Variants in DENND1A observed in about 807,000 individuals in gnomAD.
DENND1A encodes the protein DENN domain containing 1A, also known as DENN domain-containing protein 1A.
Under a neutral mutation model 113.7 loss-of-function variants are expected in DENND1A, and 51 were observed. The ratio of observed to expected loss-of-function variants is 0.45; its 90% CI spans 0.36 to 0.57. The LOEUF is 0.57. DENND1A is among the 20% of genes least tolerant of loss of function. The pLI is 0.00. For synonymous variants in DENND1A, 565 were observed against 570.8 expected (o/e 0.99, Z 0.14); for missense variants, 1,258 against 1,395.9 (o/e 0.90, Z 1.57).
intron 3 of DENND1A, among the ~76,000 whole-genome samples, chr9:123,772,269 C>T (rs563231091): frequency 4.6e-5 from 7 of 152,162 alleles, no homozygotes; most frequent in East Asian, 3.9e-4. Flanking sequence ...TAAAATTATT[C>T]GAATATGAAA....
At chr9:123,639,437 TC>T (rs1564864880) in intron 9 of DENND1A, among the ~76,000 whole-genome samples, 1 of 59,666 alleles carries the variant, frequency 1.7e-5, no homozygotes, top group Non-Finnish European at 3.2e-5. Context: ...AGCCTCCGTA[TC>T]CCCCCAACCC....
intron 2 of DENND1A, among the ~76,000 whole-genome samples, chr9:123,870,086 T>C (rs1303400315): frequency 6.7e-6 from 1 of 149,106 alleles, no homozygotes; most frequent in South Asian, 2.1e-4. Flanking sequence ...AAATGCAAGA[T>C]AAAAAAAATA....
chr9:123,775,144 G>C (rs1354539588), intron 3 of DENND1A, among the ~76,000 whole-genome samples: 1 of 152,118 alleles, frequency 6.6e-6, no homozygotes, highest in Non-Finnish European at 1.5e-5. Flanking sequence ...CAAAGTGGTT[G>C]AAAATGAGAG....
At position 123,481,347 on chromosome 9, in the gene DENND1A, A is replaced by G. The variant is rs1676424907; in HGVS notation, c.994-23450T>C. Among the ~76,000 whole-genome samples, 3 of 152,370 alleles carry G rather than the reference A, an allele frequency of 2.0e-5. No individual in the cohort carries two copies. In the South Asian group the frequency reaches 6.2e-4, roughly 32 times the overall value. ...AAACCTACCAGGACAGTGAGGCTGC[A>G]TAGCAACACGTGGAAACAAGGAAGC... On this transcript the variant is annotated intron_variant, in intron 13 of 23. Coordinates refer to ENST00000394215, the MANE Select transcript of DENND1A (RefSeq NM_001352964.2).
intron 9 of DENND1A, among the ~76,000 whole-genome samples, chr9:123,631,742 C>G (rs1393263503): frequency 6.6e-6 from 1 of 152,144 alleles, no homozygotes; most frequent in South Asian, 2.1e-4. Flanking sequence ...TTTGACTTGC[C>G]CCTATTTTGT....
intron 21 of DENND1A, among the ~76,000 whole-genome samples, chr9:123,392,113 C>T (rs977325065): frequency 6.6e-6 from 1 of 152,180 alleles, no homozygotes; most frequent in Non-Finnish European, 1.5e-5. Context: ...ACAGGCGAGG[C>T]TGTTCCTTTT....
chr9:123,490,834 G>A (rs999920340), intron 13 of DENND1A, among the ~76,000 whole-genome samples: 14 of 152,090 alleles, frequency 9.2e-5, no homozygotes, highest in East Asian at 1.9e-4. Context: ...CCGCCTTTGC[G>A]GCACATCTCC....
chr9:123,406,501 G>T (rs749549661), intron 20 of DENND1A, among the ~76,000 whole-genome samples: 9 of 152,204 alleles, frequency 5.9e-5, no homozygotes, highest in Non-Finnish European at 1.5e-5. Context: ...CCCCTGCCTC[G>T]CATTCTGTGG....
intron 2 of DENND1A, among the ~76,000 whole-genome samples, chr9:123,813,405 C>CT (rs376791744): frequency 0.013 from 1,930 of 146,264 alleles, 16 homozygotes; most frequent in Non-Finnish European, 0.022. Flanking sequence ...GTGAGTAGGA[C>CT]TTTTTTTTTT....
At chr9:123,793,969 C>T (rs1397002619) in intron 2 of DENND1A, among the ~76,000 whole-genome samples, 2 of 152,176 alleles carry the variant, frequency 1.3e-5, no homozygotes, top group South Asian at 4.1e-4. Context: ...TCTTTCTTCA[C>T]CCTCGTCTTC....
intron 5 of DENND1A, among the ~76,000 whole-genome samples, chr9:123,745,963 A>C (rs2069464237): frequency 6.6e-6 from 1 of 152,246 alleles, no homozygotes; most frequent in Admixed American, 6.5e-5. Context: ...AAATTGCATA[A>C]TGCAACTCAC....
Position 123,575,941 on chromosome 9 carries a change from C to T in DENND1A, c.867+7228G>A, listed in dbSNP as rs538930170. On this transcript the variant is annotated intron_variant, in intron 12 of 23. Transcript: ENST00000394215. ...TAATAACCTCTGTAAATTGGAGTGT[C>T]TAGACAATGTATGTTTAATGTAAAA... Among the ~76,000 whole-genome samples, 6 of 152,298 alleles carry T rather than the reference C, an allele frequency of 3.9e-5. No homozygotes were observed. The South Asian group carries it at 1.2e-3, about 32-fold the overall frequency.
chr9:123,733,051 G>A (rs185741188), intron 5 of DENND1A, among the ~76,000 whole-genome samples: 59 of 149,360 alleles, frequency 4.0e-4, no homozygotes, highest in Non-Finnish European at 7.0e-4. Flanking sequence ...GCGCGATCTC[G>A]GCTCACCGCA....
At chr9:123,490,798 T>C (rs12350892) in intron 13 of DENND1A, among the ~76,000 whole-genome samples, 19,321 of 152,274 alleles carry the variant, frequency 0.13, 1,449 homozygotes, top group African/African-American at 0.21. Context: ...TTTTTCATCC[T>C]AGGCCACAGG....
At chr9:123,861,992 T>C (rs915022380) in intron 2 of DENND1A, among the ~76,000 whole-genome samples, 6 of 152,182 alleles carry the variant, frequency 3.9e-5, no homozygotes, top group Non-Finnish European at 8.8e-5. Context: ...TTTAAGCTAG[T>C]ACCATACTAC....
rs541995542 is a variant in DENND1A at position 123,869,821 on chromosome 9, C to A, written c.88+9130G>T. The stretch of plus-strand genomic sequence containing the variant: ...TTCGTGACCAGCCTGGGCAACATGG[C>A]AAGACCCTATCTCTACAAAAATTAG... On this transcript the variant is annotated intron_variant, in intron 2 of 23. Coordinates refer to ENST00000394215, the MANE Select transcript of DENND1A (RefSeq NM_001352964.2). Among the ~76,000 whole-genome samples, 9 of 151,548 alleles carry A rather than the reference C, an allele frequency of 5.9e-5. No individual in the cohort carries two copies. In the South Asian group the frequency reaches 1.7e-3, roughly 28 times the overall value.
chr9:123,407,957 A>C (rs561250873), intron 20 of DENND1A, among the ~76,000 whole-genome samples: 1 of 152,326 alleles, frequency 6.6e-6, no homozygotes, highest in East Asian at 1.9e-4. Context: ...CCCTTCGTCC[A>C]GGAGACACTG....
intron 19 of DENND1A, among the ~76,000 whole-genome samples, chr9:123,416,365 G>C: frequency 6.6e-6 from 1 of 152,234 alleles, no homozygotes; most frequent in East Asian, 1.9e-4. Context: ...GGGCAGAGCT[G>C]GGAGTGTTGG....
At chr9:123,608,168 T>C (rs928945219) in intron 11 of DENND1A, among the ~76,000 whole-genome samples, 4 of 152,194 alleles carry the variant, frequency 2.6e-5, no homozygotes, top group African/African-American at 9.7e-5. Context: ...TAACAGAATG[T>C]AGGAGCCACA....
Sources: allele counts gnomAD v4.1 joint callset (sites outside exome capture counted in the v4.1 genomes callset), GRCh38; gene constraint gnomAD v4.1.1; transcripts MANE v1.5; gene names NCBI Gene and HGNC (gene_info 2026-07-23, HGNC 2026-07-21).